SLX4IP: variants seen among roughly 807,000 people sequenced by gnomAD.
SLX4IP encodes the protein SLX4 interacting protein, also known as protein SLX4IP.
Under a neutral mutation model 32.9 loss-of-function variants are expected in SLX4IP, and 34 were observed. The ratio of observed to expected loss-of-function variants is 1.03; its 90% CI spans 0.79 to 1.38. SLX4IP has a LOEUF of 1.38. SLX4IP is among the 40% of genes most tolerant of loss of function. The pLI, the probability that SLX4IP is intolerant of heterozygous loss-of-function variation, is 0.00. For synonymous variants in SLX4IP, 172 were observed against 171.7 expected (o/e 1.00, Z -0.01); for missense variants, 444 against 479.0 (o/e 0.93, Z 0.68).
intron 1 of SLX4IP, among the ~76,000 whole-genome samples, chr20:10,451,642 T>C (rs2065243163): frequency 6.6e-6 from 1 of 152,132 alleles, no homozygotes; most frequent in African/African-American, 2.4e-5. Flanking sequence ...GCTCACATGT[T>C]GAAATGCTAA....
chr20:10,557,563 C>A (rs889211349), intron 3 of SLX4IP, among the ~76,000 whole-genome samples: 1 of 152,232 alleles, frequency 6.6e-6, no homozygotes, highest in African/African-American at 2.4e-5. Context: ...AAACTGTTCA[C>A]TCGTTTCCCC....
At chr20:10,612,606 C>T (rs45576738) in intron 6 of SLX4IP, among the ~76,000 whole-genome samples, 63 of 152,240 alleles carry the variant, frequency 4.1e-4, no homozygotes, top group Non-Finnish European at 8.1e-4. Flanking sequence ...AGTGCAGTGG[C>T]GTGACCTCGG....
At chr20:10,517,757 C>T (rs886911280) in intron 2 of SLX4IP, among the ~76,000 whole-genome samples, 5 of 152,256 alleles carry the variant, frequency 3.3e-5, no homozygotes, top group African/African-American at 7.2e-5. Flanking sequence ...TGTGGAGAAG[C>T]GACCTGGGCT....
chr20:10,500,513 G>A (rs2122412735), intron 2 of SLX4IP, among the ~76,000 whole-genome samples: 1 of 152,254 alleles, frequency 6.6e-6, no homozygotes, highest in Admixed American at 6.5e-5. Context: ...CACTTTGGGA[G>A]GCTGAGGCAG....
intron 2 of SLX4IP, among the ~76,000 whole-genome samples, chr20:10,508,736 G>A (rs1000615662): frequency 2.0e-5 from 3 of 152,136 alleles, no homozygotes; most frequent in Non-Finnish European, 2.9e-5. Flanking sequence ...TCTTGCTGTT[G>A]TCAGTGAGCC....
rs184104608 is a variant in SLX4IP, at chr20:10,452,624, C to T, written c.-29-5552C>T. ...GAGGTTGCAGTGAGCTGAGATCACG[C>T]TATTGCACTCCAGCCTGGGCAACAA... On this transcript the variant is annotated intron_variant, in intron 1 of 7. Coordinates refer to ENST00000334534, the MANE Select transcript of SLX4IP (RefSeq NM_001009608.3). 4.9e-3 allele frequency among the ~76,000 whole-genome samples: 712 copies of T among 146,202 alleles called. 12 individuals are homozygous for T. The highest frequency in any genetic ancestry group is 0.017 in the African/African-American group (679 of 39,446).
At chr20:10,572,245 C>G (rs1298187497) in intron 4 of SLX4IP, among the ~76,000 whole-genome samples, 2 of 152,234 alleles carry the variant, frequency 1.3e-5, no homozygotes, top group African/African-American at 4.8e-5. Flanking sequence ...TCAGAGGCCA[C>G]ATGAAAACTC....
chr20:10,604,777 G>A (rs1363812394), intron 6 of SLX4IP, among the ~76,000 whole-genome samples: 1 of 152,248 alleles, frequency 6.6e-6, no homozygotes, highest in Non-Finnish European at 1.5e-5. Flanking sequence ...TGGGAATTGT[G>A]ATGTGTACTT....
At chr20:10,575,661 C>G (rs1477233363) in intron 4 of SLX4IP, among the ~76,000 whole-genome samples, 1 of 151,278 alleles carries the variant, frequency 6.6e-6, no homozygotes. Flanking sequence ...GTTTGTTTCT[C>G]AAGAATTTCA....
At chr20:10,520,378 TA>T (rs1230512156) in intron 2 of SLX4IP, among the ~76,000 whole-genome samples, 1 of 152,198 alleles carries the variant, frequency 6.6e-6, no homozygotes, top group Non-Finnish European at 1.5e-5. Flanking sequence ...TTGGGTTATT[TA>T]TCTTTTTATT....
chr20:10,625,652 G>A lies in SLX4IP; in HGVS notation c.*2273G>A, dbSNP rs1600170672. 6.6e-6 allele frequency: 1 copy of A among 152,156 alleles called. No homozygotes were observed. Among genetic ancestry groups the A allele is most frequent in the South Asian group, 2.1e-4 (1 of 4,824 alleles). The allele number at this position is 152,156 out of a possible 1,614,324, so 9.4% of individuals were successfully genotyped here. On this transcript the variant is annotated 3_prime_UTR_variant, in exon 8 of 8. Coordinates refer to ENST00000334534, the MANE Select transcript of SLX4IP (RefSeq NM_001009608.3). ...GGCTTTAGAGTTTGTTATAGTTGGG[G>A]ATATAACAATTACTGTGATCGAAGA...
intron 4 of SLX4IP, among the ~76,000 whole-genome samples, chr20:10,597,444 T>C (rs1849088233): frequency 6.6e-6 from 1 of 152,246 alleles, no homozygotes; most frequent in Admixed American, 6.5e-5. Flanking sequence ...GGAATTAAGC[T>C]GGCACTTTCT....
chr20:10,500,146 T>TTG (rs1784276747), intron 2 of SLX4IP, among the ~76,000 whole-genome samples: 1 of 146,628 alleles, frequency 6.8e-6, no homozygotes, highest in Admixed American at 6.8e-5. Context: ...TTTTTTTTTT[T>TTG]TTTTTTGAGA....
At chr20:10,532,868 C>T (rs759927948) in intron 2 of SLX4IP, among the ~76,000 whole-genome samples, 12 of 151,714 alleles carry the variant, frequency 7.9e-5, no homozygotes, top group African/African-American at 2.4e-4. Flanking sequence ...CTCTGCCTCC[C>T]GGGTTCAAGC....
chr20:10,558,850 G>A (rs569202350), intron 3 of SLX4IP, among the ~76,000 whole-genome samples: 5 of 152,294 alleles, frequency 3.3e-5, no homozygotes, highest in Admixed American at 2.0e-4. Context: ...GCTTCATGAC[G>A]TGTGGTGTGG....
chr20:10,464,575 A>T (rs2065364762), intron 2 of SLX4IP, among the ~76,000 whole-genome samples: 3 of 152,132 alleles, frequency 2.0e-5, no homozygotes, highest in Non-Finnish European at 2.9e-5. Flanking sequence ...ACTTATGCAA[A>T]TTTTTCACAT....
chr20:10,576,280 C>G (rs1478227242), intron 4 of SLX4IP, among the ~76,000 whole-genome samples: 3 of 152,138 alleles, frequency 2.0e-5, no homozygotes, highest in Non-Finnish European at 4.4e-5. Flanking sequence ...TATACTGTCT[C>G]TAAGTGAATT....
In SLX4IP at chr20:10,445,575, A is replaced by T. The variant is rs557293287; in HGVS notation, c.-30+10122A>T. Among the ~76,000 whole-genome samples, 478 of 148,320 alleles carry T rather than the reference A, an allele frequency of 3.2e-3. 2 individuals are homozygous for T. The highest frequency in any genetic ancestry group is 0.011 in the African/African-American group (445 of 40,062). On this transcript the variant is annotated intron_variant, in intron 1 of 7. Transcript: ENST00000334534. Reference sequence around the variant, plus strand: ...CATGATCCGCCCGCCTCAGCCTCCCAAAGTGCTGGGATTACAGATGTGAGC... The same window carrying T: ...CATGATCCGCCCGCCTCAGCCTCCCTAAGTGCTGGGATTACAGATGTGAGC...
At chr20:10,512,776 C>CTATATATATATATATA (rs769874841) in intron 2 of SLX4IP, among the ~76,000 whole-genome samples, 12 of 114,718 alleles carry the variant, frequency 1.0e-4, no homozygotes, top group Admixed American at 1.9e-4. Flanking sequence ...CACACACACA[C>CTATATATATATATATA]TCTATATATA....
Sources: allele counts gnomAD v4.1 joint callset (sites outside exome capture counted in the v4.1 genomes callset), GRCh38; gene constraint gnomAD v4.1.1; transcripts MANE v1.5; gene names NCBI Gene and HGNC (gene_info 2026-07-23, HGNC 2026-07-21).